SCN8A: variants seen among roughly 807,000 people sequenced by gnomAD.
SCN8A encodes sodium channel protein type 8 subunit alpha.
In SCN8A, 30 loss-of-function variants were observed where a neutral mutation model predicts 184.1. That is an observed-to-expected ratio of 0.16 (90% CI 0.12 to 0.22). The LOEUF is 0.22. Among genes scored for constraint, SCN8A ranks in the 10% least tolerant of loss-of-function variants. The pLI is 1.00. For missense variants in SCN8A, 1,057 were observed against 2,498.9 expected (o/e 0.42, Z 12.30); for synonymous variants, 852 against 907.0 (o/e 0.94, Z 1.09).
intron 1 of SCN8A, among the ~76,000 whole-genome samples, chr12:51,660,710 T>C (rs1177662379): frequency 6.6e-6 from 1 of 152,236 alleles, no homozygotes; most frequent in Non-Finnish European, 1.5e-5. Context: ...GATAATAATA[T>C]CTGCCTCATA....
intron 14 of SCN8A, among the ~76,000 whole-genome samples, chr12:51,761,888 T>C (rs1483803248): frequency 6.6e-6 from 1 of 152,030 alleles, no homozygotes; most frequent in Non-Finnish European, 1.5e-5. Flanking sequence ...ACCCAAGATA[T>C]TATGTATTCT....
chr12:51,604,740 G>A (rs1283191424), intron 1 of SCN8A, among the ~76,000 whole-genome samples: 1 of 152,046 alleles, frequency 6.6e-6, no homozygotes, highest in African/African-American at 2.4e-5. Context: ...CTCCATGTTG[G>A]TCAGGCTGGT....
chr12:51,737,777 A>C (rs185643232), intron 12 of SCN8A, among the ~76,000 whole-genome samples: 16 of 152,378 alleles, frequency 1.1e-4, no homozygotes, highest in Non-Finnish European at 1.8e-4. Context: ...AACCATTCAC[A>C]GTGTTGCTCA....
chr12:51,710,231 G>T (rs537139341), intron 11 of SCN8A, among the ~76,000 whole-genome samples: 1 of 152,048 alleles, frequency 6.6e-6, no homozygotes. Flanking sequence ...CCTTAGTACG[G>T]TTACAACCTA....
Position 51,780,447 on chromosome 12 carries a change from A to G in SCN8A, c.3820-202A>G, listed in dbSNP as rs2580807. On this transcript the variant is annotated intron_variant, in intron 20 of 26. Transcript: ENST00000627620. ...TCTCAACCACCTTTCCTTCCAGGTC[A>G]TTTGAGTCAAGTTGAAATAGGCAGC... Among the ~76,000 whole-genome samples, 130,444 of 151,714 alleles carry G rather than the reference A, an allele frequency of 0.86. 56,266 individuals are homozygous for G. The highest frequency in any genetic ancestry group is 0.98 in the East Asian group (5,039 of 5,158).
intron 1 of SCN8A, among the ~76,000 whole-genome samples, chr12:51,658,933 A>G (rs1012528836): frequency 1.3e-5 from 2 of 152,172 alleles, no homozygotes; most frequent in Non-Finnish European, 2.9e-5. Flanking sequence ...GCTGGTAGGA[A>G]TATTACTAAA....
At chr12:51,722,195 C>G in intron 12 of SCN8A, 1 of 546,490 alleles carries the variant, frequency 1.8e-6, no homozygotes, top group Non-Finnish European at 3.2e-6. Context: ...TTCTGACATT[C>G]CTTCTCCCCT....
Position 51,770,693 on chromosome 12 carries a change from A to G in SCN8A, c.3645+10A>G, listed in dbSNP as rs1942912454. 1 of 1,613,214 alleles carries G rather than the reference A, an allele frequency of 6.2e-7. No homozygotes were observed. Among genetic ancestry groups the G allele is most frequent in the South Asian group, 1.1e-5 (1 of 90,916 alleles). Reference sequence around the variant, plus strand: ...GAGCAGTGGCGCCCTGGTGAGGTCCAGGGGAGAGTGTGAGGAGGGATTGGC... The same window carrying G: ...GAGCAGTGGCGCCCTGGTGAGGTCCGGGGGAGAGTGTGAGGAGGGATTGGC... On this transcript the variant is annotated intron_variant, in intron 19 of 26. Coordinates refer to ENST00000627620, the MANE Select transcript of SCN8A (RefSeq NM_001330260.2).
rs2138828904 is a variant in SCN8A, at chr12:51,745,996, A to G, written c.2092A>G (p.Asn698Asp). The change falls in exon 13 of 27, where the codon AAC becomes GAC. Residue 698 changes from asparagine (N) to aspartate (D), a missense_variant. This residue lies in a region of SCN8A where 322 missense variants were observed against 390.1 expected (regional missense o/e 0.83). Transcript: ENST00000627620. ...CTCCTACGGGCGGAAGGACAGAATC[A>G]ACAGTATAATGAGTGTTGTTACAAA... Reference protein sequence around the residue: ...LASYGRKDRINSIMSVVTNTL... With the variant: ...LASYGRKDRIDSIMSVVTNTL... 1 of 1,612,346 alleles carries G rather than the reference A, an allele frequency of 6.2e-7. No homozygotes were observed. Among genetic ancestry groups the G allele is most frequent in the Non-Finnish European group, 8.5e-7 (1 of 1,179,146 alleles).
chr12:51,710,970 A>G (rs530053535), intron 11 of SCN8A, among the ~76,000 whole-genome samples: 15 of 151,244 alleles, frequency 9.9e-5, no homozygotes, highest in African/African-American at 3.1e-4. Flanking sequence ...TTCTTAGCAC[A>G]TGGCTAGATA....
At chr12:51,771,679 G>A (rs1942927448) in intron 19 of SCN8A, among the ~76,000 whole-genome samples, 1 of 152,156 alleles carries the variant, frequency 6.6e-6, no homozygotes, top group African/African-American at 2.4e-5. Context: ...AAGATGGCTT[G>A]GTAGCCACTG....
At chr12:51,602,526 A>G (rs1190247020) in intron 1 of SCN8A, among the ~76,000 whole-genome samples, 5 of 152,208 alleles carry the variant, frequency 3.3e-5, no homozygotes, top group Admixed American at 1.3e-4. Context: ...GGAGATTTGT[A>G]GTGATAATGG....
intron 21 of SCN8A, 144 bp downstream of exon 21, chr12:51,780,915 A>G: frequency 1.9e-6 from 2 of 1,062,784 alleles, no homozygotes; most frequent in Middle Eastern, 3.4e-4. Context: ...TCTCCCCCAC[A>G]CCTGCCCCGT....
chr12:51,632,771 G>T (rs1940224581), intron 1 of SCN8A, among the ~76,000 whole-genome samples: 1 of 152,052 alleles, frequency 6.6e-6, no homozygotes, highest in Non-Finnish European at 1.5e-5. Context: ...GAAGCCTGAG[G>T]CATCATGTCA....
chr12:51,638,580 G>A (rs1280526358), intron 1 of SCN8A, among the ~76,000 whole-genome samples: 32 of 151,222 alleles, frequency 2.1e-4, no homozygotes, highest in Admixed American at 1.9e-3. Context: ...TCCGCCTCCC[G>A]GGTTCTAGCA....
chr12:51,707,253 T>C (rs1323185193), intron 11 of SCN8A, among the ~76,000 whole-genome samples: 2 of 152,048 alleles, frequency 1.3e-5, no homozygotes, highest in African/African-American at 4.8e-5. Flanking sequence ...GCTGGTGTAT[T>C]ATTCAGGGTT....
chr12:51,747,575 A>G (rs11169910), intron 13 of SCN8A, among the ~76,000 whole-genome samples: 2 of 152,322 alleles, frequency 1.3e-5, no homozygotes, highest in East Asian at 3.9e-4. Flanking sequence ...AGAACTATCA[A>G]TACAGTGCAA....
intron 5 of SCN8A, among the ~76,000 whole-genome samples, chr12:51,688,102 CAT>C (rs898095386): frequency 1.3e-5 from 2 of 152,188 alleles, no homozygotes; most frequent in African/African-American, 4.8e-5. Flanking sequence ...TACTTTCTAG[CAT>C]TATGAATACA....
intron 1 of SCN8A, among the ~76,000 whole-genome samples, chr12:51,610,169 CA>C (rs398019572): frequency 0.03 from 1,659 of 55,914 alleles, 20 homozygotes; most frequent in African/African-American, 0.11. Context: ...AACTCTGTCT[CA>C]AAAAAAAAAA....
Sources: gnomAD v4.1 joint callset for allele counts (sites outside exome capture counted in the v4.1 genomes callset) on GRCh38, gnomAD v4.1.1 for gene constraint, gnomAD v4.1.1 regional missense constraint, MANE v1.5 for transcripts, NCBI Gene and HGNC (gene_info 2026-07-23, HGNC 2026-07-21) for gene names.